The following UBXN7 variants were observed in gnomAD, a reference collection of about 807,000 sequenced individuals.
UBXN7 encodes UBX domain-containing protein 7.
In UBXN7, 9 loss-of-function variants were observed where a neutral mutation model predicts 58.0. The observed-to-expected ratio is 0.16, with a 90% CI of 0.09 to 0.27. The LOEUF is 0.27. UBXN7 is among the 10% of genes least tolerant of loss of function. The pLI is 1.00. For missense variants in UBXN7, 328 were observed against 599.6 expected, an observed-to-expected ratio of 0.55 and a Z score of 4.73; for synonymous variants, 208 against 205.0, an observed-to-expected ratio of 1.01 and a Z score of -0.12.
At chr3:196,369,737 C>T (rs1002032341) in intron 6 of UBXN7, among the ~76,000 whole-genome samples, 1 of 152,210 alleles carries the variant, frequency 6.6e-6, no homozygotes, top group African/African-American at 2.4e-5. Context: ...CATTCCTCCT[C>T]CTTTCCCAGT....
intron 5 of UBXN7, among the ~76,000 whole-genome samples, chr3:196,374,458 TACTAGCAAAAGAAACTTGGA>T (rs1290935369): frequency 6.6e-6 from 1 of 152,124 alleles, no homozygotes; most frequent in Non-Finnish European, 1.5e-5. Flanking sequence ...AGAAACCTAA[TACTAGCAAAAGAAACTTGGA>T]AATGATACTA....
At chr3:196,386,380 TAAAAAAAAA>T (rs34268326) in intron 5 of UBXN7, among the ~76,000 whole-genome samples, 2 of 57,728 alleles carry the variant, frequency 3.5e-5, no homozygotes, top group Non-Finnish European at 6.3e-5. Flanking sequence ...TAATAAACAC[TAAAAAAAAA>T]AAAAAAAAAA....
intron 1 of UBXN7, among the ~76,000 whole-genome samples, chr3:196,418,286 G>C (rs1200610844): frequency 1.6e-5 from 2 of 127,798 alleles, no homozygotes; most frequent in Non-Finnish European, 3.4e-5. Context: ...AGGAGGGAAA[G>C]AGAGAAGGAA....
chr3:196,407,545 A>C, intron 1 of UBXN7, 152 bp from the exon 2 acceptor site: 1 of 1,164,640 alleles, frequency 8.6e-7, no homozygotes, highest in Non-Finnish European at 1.2e-6. Context: ...GAGCTAGAAA[A>C]AAATGTAGAC....
chr3:196,426,091 T>C (rs923883932), intron 1 of UBXN7, among the ~76,000 whole-genome samples: 1 of 152,026 alleles, frequency 6.6e-6, no homozygotes, highest in Non-Finnish European at 1.5e-5. Flanking sequence ...CCCTTAAATT[T>C]CTGAAACTTC....
At chr3:196,395,124 G>C (rs957256662) in intron 3 of UBXN7, among the ~76,000 whole-genome samples, 4 of 152,150 alleles carry the variant, frequency 2.6e-5, no homozygotes, top group Non-Finnish European at 4.4e-5. Context: ...AGGCTGGCCA[G>C]CATGTAACCA....
intron 5 of UBXN7, among the ~76,000 whole-genome samples, chr3:196,390,137 T>G (rs1729531554): frequency 6.6e-6 from 1 of 151,904 alleles, no homozygotes; most frequent in African/African-American, 2.4e-5. Flanking sequence ...GGGGATCAAT[T>G]GAGACCATAA....
At chr3:196,390,966 C>G (rs1560230791) in intron 5 of UBXN7, among the ~76,000 whole-genome samples, 1 of 152,102 alleles carries the variant, frequency 6.6e-6, no homozygotes, top group Non-Finnish European at 1.5e-5. Context: ...TTCCTCTGCC[C>G]TAAGTAAGTC....
chr3:196,428,458 A>C (rs1730918356), intron 1 of UBXN7, among the ~76,000 whole-genome samples: 1 of 152,154 alleles, frequency 6.6e-6, no homozygotes, highest in African/African-American at 2.4e-5. Context: ...CTTTAAAAAA[A>C]AAAAAAGAAA....
In UBXN7 at chr3:196,361,900, G is replaced by A. The variant is rs776653681; in HGVS notation, c.1252C>T (p.Arg418Trp). 5.0e-6 allele frequency: 8 copies of A among 1,610,266 alleles called. No homozygotes were observed. The highest frequency in any genetic ancestry group is 5.1e-6 in the Non-Finnish European group (6 of 1,179,484). Reference protein sequence around the residue: ...VNGPKAQLMLRYPDGKREQIT... With the variant: ...VNGPKAQLMLWYPDGKREQIT... Reference sequence around the variant, plus strand: ...TGTTCCCTTTTTCCATCTGGATACCGCAACATCAGCTGTGCTTTTGGTCCT... The same window carrying A: ...TGTTCCCTTTTTCCATCTGGATACCACAACATCAGCTGTGCTTTTGGTCCT... Residue 418 changes from arginine (R) to tryptophan (W), a missense_variant, in exon 10 of 11, where the codon CGG becomes TGG. Transcript: ENST00000296328.
rs376600683 is a variant in UBXN7 at position 196,393,636 on chromosome 3, T to C, written c.290-17A>G. On this transcript the variant is annotated splice_polypyrimidine_tract_variant and intron_variant, in intron 3 of 10. Transcript: ENST00000296328. ...TTTTAGGAGCTTTGGGGAGAAAAAA[T>C]AGAATTGAAAATTTTTTAAATTAAT... is the stretch of plus-strand genomic sequence containing the variant. 27 of 1,597,880 alleles carry C rather than the reference T, an allele frequency of 1.7e-5. No individual in the cohort carries two copies. Among genetic ancestry groups the C allele is most frequent in the African/African-American group, 6.8e-5 (5 of 73,888 alleles).
intron 5 of UBXN7, among the ~76,000 whole-genome samples, chr3:196,374,923 G>GGGGGAGGGGAAGGGAAGGGAA (rs1560223200): frequency 1.4e-4 from 1 of 7,358 alleles, no homozygotes; most frequent in African/African-American, 5.7e-4. Flanking sequence ...GGGAGGGGGA[G>GGGGGAGGGGAAGGGAAGGGAA]GGGAAGGGAA....
intron 8 of UBXN7, among the ~76,000 whole-genome samples, chr3:196,362,967 G>C (rs1055774096): frequency 6.6e-6 from 1 of 151,946 alleles, no homozygotes; most frequent in Non-Finnish European, 1.5e-5. Context: ...GCAGTGGCAC[G>C]AACTCGGCTC....
intron 1 of UBXN7, among the ~76,000 whole-genome samples, chr3:196,427,273 T>C (rs1730879072): frequency 6.6e-6 from 1 of 152,224 alleles, no homozygotes; most frequent in Admixed American, 6.5e-5. Flanking sequence ...TTTATTTACT[T>C]TTTCTTTTTT....
Position 196,369,524 on chromosome 3 carries a change from T to C in UBXN7, c.616-13A>G, listed in dbSNP as rs772842355. 6.3e-7 allele frequency: 1 copy of C among 1,591,508 alleles called. No individual in the cohort carries two copies. The highest frequency in any genetic ancestry group is 1.8e-5 in the Admixed American group (1 of 54,370). On this transcript the variant is annotated splice_polypyrimidine_tract_variant and intron_variant, in intron 6 of 10. Transcript: ENST00000296328. The stretch of plus-strand genomic sequence containing the variant: ...TGTCATGATAAACCTGTTAAATCAT[T>C]GATATAAAAAAAAAAGTCAGCCTCT...
In UBXN7 at chr3:196,355,542, G is replaced by A. The variant is rs1009256927; in HGVS notation, c.*1143C>T. 31 of 152,232 alleles carry A rather than the reference G, an allele frequency of 2.0e-4. No homozygotes were observed. Among genetic ancestry groups the A allele is most frequent in the African/African-American group, 6.7e-4 (28 of 41,546 alleles). The allele number at this position is 152,232 out of a possible 1,614,324, so 9.4% of individuals were successfully genotyped here. A position where few individuals can be genotyped will look rare whatever the true frequency, so the allele number is the denominator to read the frequency against. On this transcript the variant is annotated 3_prime_UTR_variant, in exon 11 of 11. Coordinates refer to ENST00000296328, the MANE Select transcript of UBXN7 (RefSeq NM_015562.2). ...GGTCTTCCCCTTAGAGAGGCTTTCC[G>A]TTTTGATACCTTTTGAAAGAAAACA... is the stretch of plus-strand genomic sequence containing the variant.
intron 5 of UBXN7, among the ~76,000 whole-genome samples, chr3:196,384,603 T>A (rs558123524): frequency 1.3e-5 from 2 of 152,180 alleles, no homozygotes; most frequent in Non-Finnish European, 2.9e-5. Flanking sequence ...TTATCCACCA[T>A]GATCAAGTCG....
chr3:196,406,822 T>A (rs1307559665), intron 2 of UBXN7, among the ~76,000 whole-genome samples: 1 of 152,228 alleles, frequency 6.6e-6, no homozygotes, highest in African/African-American at 2.4e-5. Flanking sequence ...AAATCTGAAC[T>A]TTACTGGGCT....
chr3:196,419,724 G>A (rs1282871942), intron 1 of UBXN7, among the ~76,000 whole-genome samples: 1 of 152,174 alleles, frequency 6.6e-6, no homozygotes, highest in Non-Finnish European at 1.5e-5. Flanking sequence ...ATTTCATGGA[G>A]AGAGGCCAGG....
Sources: gnomAD v4.1 joint callset for allele counts (sites outside exome capture counted in the v4.1 genomes callset) on GRCh38, gnomAD v4.1.1 for gene constraint, MANE v1.5 for transcripts, NCBI Gene and HGNC (gene_info 2026-07-23, HGNC 2026-07-21) for gene names.